The following PRKG1 variants were observed in gnomAD, a reference collection of about 807,000 sequenced individuals.
PRKG1 encodes protein kinase cGMP-dependent 1.
In PRKG1, 35 loss-of-function variants were observed where a neutral mutation model predicts 88.1. The ratio of observed to expected loss-of-function variants is 0.40; its 90% CI spans 0.30 to 0.53. PRKG1 has a LOEUF of 0.53. Among genes scored for constraint, PRKG1 ranks in the 20% least tolerant of loss-of-function variants. PRKG1 has a pLI of 0.59. For synonymous variants in PRKG1, 303 were observed against 292.5 expected (o/e 1.04, Z -0.37); for missense variants, 540 against 839.8 (o/e 0.64, Z 4.41).
At chr10:51,087,892 G>A (rs377393161) in intron 1 of PRKG1, among the ~76,000 whole-genome samples, 1 of 152,156 alleles carries the variant, frequency 6.6e-6, no homozygotes, top group African/African-American at 2.4e-5. Context: ...AGCCTCCCAA[G>A]TAGCTGGAAT....
chr10:51,052,988 G>C (rs1843583063), intron 1 of PRKG1, among the ~76,000 whole-genome samples: 1 of 152,122 alleles, frequency 6.6e-6, no homozygotes, highest in African/African-American at 2.4e-5. Flanking sequence ...TCAGCACTTT[G>C]GGAGGTCAAA....
chr10:51,243,185 T>G (rs892538750), intron 2 of PRKG1, among the ~76,000 whole-genome samples: 2 of 152,152 alleles, frequency 1.3e-5, no homozygotes, highest in African/African-American at 4.8e-5. Context: ...CTGACTTGGA[T>G]GATGTATCAG....
At chr10:51,082,697 A>G (rs766804881) in intron 1 of PRKG1, among the ~76,000 whole-genome samples, 33 of 151,274 alleles carry the variant, frequency 2.2e-4, no homozygotes, top group Non-Finnish European at 4.4e-4. Context: ...TTTAAGCACT[A>G]GGGGCCTGCG....
intron 3 of PRKG1, among the ~76,000 whole-genome samples, chr10:51,786,798 C>A (rs1838740987): frequency 6.6e-6 from 1 of 152,108 alleles, no homozygotes; most frequent in Admixed American, 6.6e-5. Flanking sequence ...TATTTTCCTT[C>A]TTGTATCAAC....
chr10:51,903,067 T>C (rs1205779157), intron 4 of PRKG1, among the ~76,000 whole-genome samples: 6 of 152,148 alleles, frequency 3.9e-5, no homozygotes, highest in Admixed American at 1.3e-4. Context: ...TTAGCTATTG[T>C]TTTCATGTAA....
At chr10:52,120,805 G>A (rs10466032) in intron 7 of PRKG1, among the ~76,000 whole-genome samples, 49,804 of 151,762 alleles carry the variant, frequency 0.33, 8,488 homozygotes, top group African/African-American at 0.41. Context: ...GCACTCTGGC[G>A]GCTCTACGGT....
At position 51,061,539 on chromosome 10, in the gene PRKG1, A is replaced by G. The variant is rs1193526816; in HGVS notation, c.266+69895A>G. Among the ~76,000 whole-genome samples the G allele has an allele frequency of 3.3e-5, 5 of 152,068 alleles. No individual in the cohort carries two copies. The East Asian group carries it at 5.8e-4, about 18-fold the overall frequency. On this transcript the variant is annotated intron_variant, in intron 1 of 17. Transcript: ENST00000401604. ...TATCAGTTTTGGAAAATTCATAGTGATTATTTCTTCAAATACTGCTTTTGC... is the reference window on the plus strand; with the variant it reads ...TATCAGTTTTGGAAAATTCATAGTGGTTATTTCTTCAAATACTGCTTTTGC...
chr10:51,961,252 G>T (rs1843440409), intron 5 of PRKG1, among the ~76,000 whole-genome samples: 4 of 152,074 alleles, frequency 2.6e-5, no homozygotes, highest in Admixed American at 2.0e-4. Flanking sequence ...GTCCCACAGT[G>T]GGTTCTGCTG....
rs888014093 is a variant in PRKG1, at chr10:51,034,396, A to C, written c.266+42752A>C. On this transcript the variant is annotated intron_variant, in intron 1 of 17. Coordinates refer to the PRKG1 transcript ENST00000401604. ...CAGACAGAATATTATCATGCACTTC[A>C]CAGTGTGTGTCAGCAATTCTGCCAT... Among the ~76,000 whole-genome samples the C allele has an allele frequency of 2.0e-5, 3 of 151,994 alleles. No homozygotes were observed. The East Asian group carries it at 5.8e-4, about 29-fold the overall frequency.
intron 7 of PRKG1, among the ~76,000 whole-genome samples, chr10:52,076,132 C>G (rs1846623248): frequency 6.6e-6 from 1 of 152,104 alleles, no homozygotes; most frequent in South Asian, 2.1e-4. Flanking sequence ...GCACGACATA[C>G]AAAAATTAAG....
Position 51,104,698 on chromosome 10 carries a change from TTTTATTTATTTATTTA to T in PRKG1, c.311+29829_311+29844del, listed in dbSNP as rs35238475. 7.6e-3 allele frequency among the ~76,000 whole-genome samples: 1,034 copies of T among 136,178 alleles called. 13 individuals are homozygous for T. Among genetic ancestry groups the T allele is most frequent in the African/African-American group, 0.027 (984 of 36,444 alleles). The allele number at this position is 136,178 out of a possible 152,430, so 89.3% of individuals were successfully genotyped here. ...CACACCTGGCTAATTTTTATTTTTA[TTTTATTTATTTATTTA>T]TTTATTTATTTATTTATTTATTTAT... is the stretch of plus-strand genomic sequence containing the variant. On this transcript the variant is annotated intron_variant, in intron 1 of 17. Transcript: ENST00000373980.
intron 7 of PRKG1, 100 bp downstream of exon 7, chr10:52,062,731 T>A: frequency 1.2e-6 from 1 of 821,780 alleles, no homozygotes; most frequent in Non-Finnish European, 2.1e-6. Flanking sequence ...TATTTAGTGC[T>A]TATCTCAATA....
intron 10 of PRKG1, chr10:52,252,973 A>G (rs1841213169): frequency 6.6e-6 from 1 of 152,098 alleles, no homozygotes; most frequent in African/African-American, 2.4e-5. Context: ...TATAGCTAAT[A>G]AAGATTCATT....
intron 5 of PRKG1, among the ~76,000 whole-genome samples, chr10:51,921,823 G>C (rs945741481): frequency 6.6e-6 from 1 of 151,950 alleles, no homozygotes; most frequent in African/African-American, 2.4e-5. Flanking sequence ...ATAATACTCT[G>C]ATGAAGATTT....
chr10:51,058,732 A>G (rs1042737280), intron 1 of PRKG1, among the ~76,000 whole-genome samples: 5 of 152,096 alleles, frequency 3.3e-5, no homozygotes, highest in African/African-American at 1.2e-4. Context: ...TACCTACTCT[A>G]AGTTAGTGAA....
intron 2 of PRKG1, among the ~76,000 whole-genome samples, chr10:51,172,586 A>G (rs1026224455): frequency 6.6e-6 from 1 of 151,806 alleles, no homozygotes; most frequent in Non-Finnish European, 1.5e-5. Context: ...ATCTATCTGT[A>G]TACCTATGTC....
intron 6 of PRKG1, among the ~76,000 whole-genome samples, chr10:52,055,651 TTA>T (rs1433780185): frequency 6.6e-6 from 1 of 152,160 alleles, no homozygotes; most frequent in Admixed American, 6.5e-5. Context: ...TGATTTAAAC[TTA>T]TGTTTCTTTA....
At chr10:51,958,126 T>C (rs1483119052) in intron 5 of PRKG1, among the ~76,000 whole-genome samples, 1 of 152,184 alleles carries the variant, frequency 6.6e-6, no homozygotes. Flanking sequence ...AGAGCAGATG[T>C]TCCCTGGAAT....
At chr10:52,140,285 TAAAAAG>T (rs1837540058) in intron 8 of PRKG1, among the ~76,000 whole-genome samples, 1 of 152,274 alleles carries the variant, frequency 6.6e-6, no homozygotes, top group South Asian at 2.1e-4. Flanking sequence ...AGCAAATACA[TAAAAAG>T]AACTGATTTG....
Sources: gnomAD v4.1 joint callset for allele counts (sites outside exome capture counted in the v4.1 genomes callset) on GRCh38, gnomAD v4.1.1 for gene constraint, MANE v1.5 for transcripts, NCBI Gene and HGNC (gene_info 2026-07-23, HGNC 2026-07-21) for gene names.